KLHL11: variants seen among roughly 807,000 people sequenced by gnomAD.
KLHL11 encodes the protein kelch like family member 11.
Under a neutral mutation model 56.1 loss-of-function variants are expected in KLHL11, and 26 were observed. That is an observed-to-expected ratio of 0.46 (90% confidence interval 0.34 to 0.64). The LOEUF (loss-of-function observed/expected upper bound fraction) is 0.64. Ranked by LOEUF, KLHL11 falls within the 30% of genes least tolerant of loss-of-function variation. The pLI is 0.01. For synonymous variants in KLHL11, 338 were observed against 345.8 expected, an observed-to-expected ratio of 0.98 and a Z score of 0.25; for missense variants, 627 against 919.4, an observed-to-expected ratio of 0.68 and a Z score of 4.11.
In KLHL11 at chr17:41,853,877, G is replaced by A. The variant is rs1555622209; in HGVS notation, c.1990C>T (p.Arg664Trp). Residue 664 changes from arginine (R) to tryptophan (W), a missense_variant, in exon 2 of 2, where the codon CGG becomes TGG. Coordinates refer to ENST00000319121, the MANE Select transcript of KLHL11 (RefSeq NM_018143.3). ...ATACHVRIPY[R>W]YLHGTQRYPM... ...TATCTCTGTGTGCCATGCAAGTACC[G>A]GTATGGGATCCTCACGTGACAAGCA... 6.2e-7 allele frequency: 1 copy of A among 1,614,042 alleles called. No individual in the cohort carries two copies.
rs1555623440 is a variant in KLHL11, at chr17:41,865,276, C to A, written c.95G>T (p.Gly32Val). 2 of 1,569,964 alleles carry A rather than the reference C, an allele frequency of 1.3e-6. No individual in the cohort carries two copies. Among genetic ancestry groups the A allele is most frequent in the African/African-American group, 2.8e-5 (2 of 72,074 alleles). Residue 32 changes from glycine (G) to valine (V), a missense_variant, in exon 1 of 2, where the codon GGC (glycine) becomes GTC (valine). Gly to Val is a moderately radical substitution (Grantham distance 109, BLOSUM62 -3). This residue lies in a region of KLHL11 where 121 missense variants were observed against 116.2 expected (regional missense o/e 1.04). Coordinates refer to ENST00000319121, the MANE Select transcript of KLHL11 (RefSeq NM_018143.3). ...GACCTCGGCGGCCAGTCCTGCCGAG[C>A]CGGCGGCGGCCGTCTCCATGCTCTC... The part of the protein sequence containing the change: ...EMESMETAAA[G>V]SAGLAAEVRG...
At position 41,851,388 on chromosome 17, in the gene KLHL11, G is replaced by A. The variant is rs546749515; in HGVS notation, c.*2352C>T. The A allele has an allele frequency of 6.6e-6, 1 of 152,270 alleles. No homozygotes were observed. The highest frequency in any genetic ancestry group is 2.1e-4 in the South Asian group (1 of 4,816). The allele number at this position is 152,270 out of a possible 1,614,324, so 9.4% of individuals were successfully genotyped here. ...AGAGGCTGAGGTGGGCGGATCACGA[G>A]GTCAGGAGTTCGAGACCAGCCTAAC... On this transcript the variant is annotated 3_prime_UTR_variant, in exon 2 of 2. Coordinates refer to ENST00000319121, the MANE Select transcript of KLHL11 (RefSeq NM_018143.3).
Position 41,854,443 on chromosome 17 carries a change from T to G in KLHL11, c.1424A>C (p.Asn475Thr). Residue 475 changes from asparagine to threonine, a missense_variant, in exon 2 of 2, where the codon AAT becomes ACT. Around this residue, in one of 4 missense-constraint regions of KLHL11, gnomAD observed 250 missense variants for 360.6 expected, o/e 0.69. Coordinates refer to ENST00000319121, the MANE Select transcript of KLHL11 (RefSeq NM_018143.3). This position sits in a 1 kb window ranked among gnomAD's most constrained non-coding sequence, Gnocchi z 4.9. Reference protein sequence around the residue: ...SPGFKDVTVYNPELDKWHNLE... With the variant: ...SPGFKDVTVYTPELDKWHNLE... ...GTTGTGCCATTTATCAAGCTCAGGA[T>G]TATAAACAGTCACATCTTTAAAACC... The G allele has an allele frequency of 6.2e-7, 1 of 1,614,178 alleles. No homozygotes were observed. Among genetic ancestry groups the G allele is most frequent in the Non-Finnish European group, 8.5e-7 (1 of 1,180,032 alleles).
Position 41,851,599 on chromosome 17 carries a change from C to CAAA in KLHL11, c.*2138_*2140dup, listed in dbSNP as rs782423316. ...CCAGGGCGACAAAGCGTGACTGTTT[C>CAAA]AAAAAAAAAAAAAAAAGTTATTTTG... On this transcript the variant is annotated 3_prime_UTR_variant, in exon 2 of 2. Coordinates refer to ENST00000319121, the MANE Select transcript of KLHL11 (RefSeq NM_018143.3). Among the ~76,000 whole-genome samples, 2 of 123,606 alleles carry CAAA rather than the reference C, an allele frequency of 1.6e-5. No individual in the cohort carries two copies. Among genetic ancestry groups the CAAA allele is most frequent in the African/African-American group, 3.0e-5 (1 of 33,394 alleles). The allele number at this position is 123,606 out of a possible 152,430, so 81.1% of individuals were successfully genotyped here. A position where few individuals can be genotyped will look rare whatever the true frequency, so the allele number is the denominator to read the frequency against.
In KLHL11 at chr17:41,852,514, G is replaced by A. The variant is rs1215224813; in HGVS notation, c.*1226C>T. Among the ~76,000 whole-genome samples, 1 of 152,072 alleles carries A rather than the reference G, an allele frequency of 6.6e-6. No homozygotes were observed. The highest frequency in any genetic ancestry group is 1.5e-5 in the Non-Finnish European group (1 of 68,014). On this transcript the variant is annotated 3_prime_UTR_variant, in exon 2 of 2. Transcript: ENST00000319121. Reference sequence around the variant, plus strand: ...TCTTGTAGAAAAGAATAATGGACTGGGCACGGTGGCTCATGCCTGTAATCC... The same window carrying A: ...TCTTGTAGAAAAGAATAATGGACTGAGCACGGTGGCTCATGCCTGTAATCC...
rs781809728 is a variant in KLHL11 at position 41,853,736 on chromosome 17, G to A, written c.*4C>T. ...ACAGTTTTAATCGGCACGCTTGAGAGAACCTAGCATTCAATCTGAGAGCTT... is the reference window on the plus strand; with the variant it reads ...ACAGTTTTAATCGGCACGCTTGAGAAAACCTAGCATTCAATCTGAGAGCTT... On this transcript the variant is annotated 3_prime_UTR_variant, in exon 2 of 2. Coordinates refer to ENST00000319121, the MANE Select transcript of KLHL11 (RefSeq NM_018143.3). 59 of 1,602,038 alleles carry A rather than the reference G, an allele frequency of 3.7e-5. No homozygotes were observed. The highest frequency in any genetic ancestry group is 5.1e-5 in the Admixed American group (3 of 59,362).
chr17:41,856,548 C>A (rs1246348221), intron 1 of KLHL11, among the ~76,000 whole-genome samples: 6 of 152,162 alleles, frequency 3.9e-5, no homozygotes, highest in Admixed American at 1.3e-4. Context: ...ACAACAACAA[C>A]AAAAAACACC....
At chr17:41,863,517 A>G (rs2048418193) in intron 1 of KLHL11, among the ~76,000 whole-genome samples, 1 of 152,140 alleles carries the variant, frequency 6.6e-6, no homozygotes, top group Non-Finnish European at 1.5e-5. Context: ...TTTTCAGCAC[A>G]GCACTATTCA....
chr17:41,855,432 G>T, intron 1 of KLHL11, 111 bp from the exon 2 acceptor site: 2 of 738,896 alleles, frequency 2.7e-6, no homozygotes, highest in Non-Finnish European at 2.1e-6. Context: ...AGGTTGGAGT[G>T]CAGTGGCGTG....
At chr17:41,863,959 T>G (rs1288471653) in intron 1 of KLHL11, among the ~76,000 whole-genome samples, 3 of 152,176 alleles carry the variant, frequency 2.0e-5, no homozygotes, top group Non-Finnish European at 4.4e-5. Context: ...GGCTATACAT[T>G]TTACTTATTT....
intron 1 of KLHL11, 32 bp downstream of exon 1, chr17:41,864,794 C>T (rs564887707): frequency 3.4e-6 from 5 of 1,484,466 alleles, no homozygotes; most frequent in African/African-American, 1.4e-5. Context: ...TCCGCGCCCG[C>T]CGCCCTCCGC....
At position 41,863,293 on chromosome 17, in the gene KLHL11, G is replaced by T. The variant is rs139281878; in HGVS notation, c.545+1533C>A. Among the ~76,000 whole-genome samples, 728 of 151,186 alleles carry T rather than the reference G, an allele frequency of 4.8e-3. 8 individuals are homozygous for T. Among genetic ancestry groups the T allele is most frequent in the African/African-American group, 0.017 (698 of 41,138 alleles). On this transcript the variant is annotated intron_variant, in intron 1 of 1. Transcript: ENST00000319121. The stretch of plus-strand genomic sequence containing the variant: ...GCAACCTCAGCCTCCCACCTCCCAG[G>T]CTCAAGCGATTCTTGTGTCTCAGCC...
intron 1 of KLHL11, among the ~76,000 whole-genome samples, chr17:41,860,427 C>T (rs1281752120): frequency 6.6e-6 from 1 of 151,886 alleles, no homozygotes; most frequent in East Asian, 1.9e-4. Context: ...GGTCCTGCCT[C>T]AGAGCTGATG....
intron 1 of KLHL11, among the ~76,000 whole-genome samples, chr17:41,855,683 T>C (rs1555622453): frequency 6.9e-6 from 1 of 144,838 alleles, no homozygotes; most frequent in East Asian, 2.1e-4. Context: ...CATTTTTTTT[T>C]TTTTTTGAGA....
chr17:41,857,691 G>A (rs1181153539), intron 1 of KLHL11, among the ~76,000 whole-genome samples: 3 of 152,030 alleles, frequency 2.0e-5, no homozygotes, highest in Non-Finnish European at 4.4e-5. Context: ...ATGCTGCAGT[G>A]GCTGTTCACA....
chr17:41,853,854 T>C lies in KLHL11; in HGVS notation c.2013A>G (p.Arg671=). 6.2e-7 allele frequency: 1 copy of C among 1,614,178 alleles called. No individual in the cohort carries two copies. Among genetic ancestry groups the C allele is most frequent in the Non-Finnish European group, 8.5e-7 (1 of 1,180,026 alleles). Residue 671 remains arginine, a synonymous_variant, in exon 2 of 2, where the codon AGA becomes AGG. Coordinates refer to ENST00000319121, the MANE Select transcript of KLHL11 (RefSeq NM_018143.3). ...ACATCAGGTTTTGAGGCATAGGGTA[T>C]CTCTGTGTGCCATGCAAGTACCGGT... ...IPYRYLHGTQ[R]YPMPQNLMWQ...
rs562394656 is a variant in KLHL11, at chr17:41,863,170, C to T, written c.545+1656G>A. ...GTCTGCCCTTGGTGCCCCCTCCTCC[C>T]CAATGCCACATCCTTTGTTCTTTTT... On this transcript the variant is annotated intron_variant, in intron 1 of 1. Coordinates refer to ENST00000319121, the MANE Select transcript of KLHL11 (RefSeq NM_018143.3). Among the ~76,000 whole-genome samples the T allele has an allele frequency of 1.7e-3, 248 of 149,702 alleles. 3 individuals carry two copies. The highest frequency in any genetic ancestry group is 5.8e-3 in the African/African-American group (236 of 40,738).
chr17:41,850,968 A>G lies in KLHL11; in HGVS notation c.*2772T>C, dbSNP rs2048329014. ...ACCTACAACTTGCAGCAAATAGCCA[A>G]AATTTCTGGTTGTGCTTTTCTCTTT... On this transcript the variant is annotated 3_prime_UTR_variant, in exon 2 of 2. Coordinates refer to ENST00000319121, the MANE Select transcript of KLHL11 (RefSeq NM_018143.3). 2.0e-5 allele frequency: 3 copies of G among 152,158 alleles called. No homozygotes were observed. The South Asian group carries it at 6.2e-4, about 31-fold the overall frequency. 9.4% of individuals were successfully genotyped at this position (152,158 alleles called of 1,614,324 possible). A position where few individuals can be genotyped will look rare whatever the true frequency, so the allele number is the denominator to read the frequency against.
chr17:41,864,848 C>A lies in KLHL11; in HGVS notation c.523G>T (p.Glu175Ter). Residue 175 changes from glutamate to a stop codon, truncating the protein, a stop_gained, in exon 1 of 2, where the codon GAG (glutamate) becomes TAG (stop). Coordinates refer to ENST00000319121, the MANE Select transcript of KLHL11 (RefSeq NM_018143.3). LOFTEE classifies it high-confidence loss of function. ...RIRVSTGSVH[E>*]VLELADRFLL... ...TACCTGTCGGCCAACTCCAGCACCT[C>A]GTGCACGCTGCCCGTGCTGACGCGG... 6.5e-7 allele frequency: 1 copy of A among 1,548,290 alleles called. No individual in the cohort carries two copies.
Sources: allele counts gnomAD v4.1 joint callset (sites outside exome capture counted in the v4.1 genomes callset), GRCh38; gene constraint gnomAD v4.1.1; regional missense constraint gnomAD v4.1.1; non-coding constraint Gnocchi (gnomAD v3.1); transcripts MANE v1.5; gene names NCBI Gene and HGNC (gene_info 2026-07-23, HGNC 2026-07-21).